The following YTHDF2 variants were observed in gnomAD, a reference collection of about 807,000 sequenced individuals.
The protein encoded by YTHDF2 is YTH domain-containing family protein 2.
A neutral mutation model predicts 50.4 loss-of-function variants in YTHDF2; 2 were observed. The observed-to-expected ratio is 0.04, with a 90% CI of 0.02 to 0.12. The LOEUF (loss-of-function observed/expected upper bound fraction) is 0.12, where lower values mean the gene tolerates loss of function less well. Among genes scored for constraint, YTHDF2 ranks in the 10% least tolerant of loss-of-function variants. YTHDF2 has a pLI of 1.00. For synonymous variants in YTHDF2, 217 were observed against 255.6 expected, an observed-to-expected ratio of 0.85 and a Z score of 1.44; for missense variants, 483 against 722.6, an observed-to-expected ratio of 0.67 and a Z score of 3.80.
At chr1:28,748,052 C>T (rs143019400) in intron 4 of YTHDF2, among the ~76,000 whole-genome samples, 17 of 151,234 alleles carry the variant, frequency 1.1e-4, no homozygotes, top group East Asian at 2.0e-4. Context: ...GGCGTGAACC[C>T]AGGGGGCGGA....
At chr1:28,751,110 A>AAAAAAAAAG (rs1553144757) in intron 4 of YTHDF2, among the ~76,000 whole-genome samples, 2 of 144,410 alleles carry the variant, frequency 1.4e-5, no homozygotes, top group African/African-American at 5.2e-5. Flanking sequence ...AAAAAAAAAA[A>AAAAAAAAAG]GGCTGGGCGT....
rs541008743 is a variant in YTHDF2, at chr1:28,744,294, A to G, written c.1716+308A>G. ...TGAGTCAAAGAGATGCAGAGGGGTAATGGAAGTGATAAAACCATAGAAATT... is the reference window on the plus strand; with the variant it reads ...TGAGTCAAAGAGATGCAGAGGGGTAGTGGAAGTGATAAAACCATAGAAATT... On this transcript the variant is annotated intron_variant, in intron 4 of 4. Coordinates refer to ENST00000373812, the MANE Select transcript of YTHDF2 (RefSeq NM_016258.3). Among the ~76,000 whole-genome samples the G allele has an allele frequency of 2.0e-4, 30 of 152,340 alleles. No homozygotes were observed. The South Asian group carries it at 6.2e-3, about 32-fold the overall frequency.
At chr1:28,761,658 A>G (rs1427527091) in intron 4 of YTHDF2, among the ~76,000 whole-genome samples, 3 of 151,766 alleles carry the variant, frequency 2.0e-5, no homozygotes, top group Admixed American at 6.6e-5. Flanking sequence ...AATCGCTTGA[A>G]CCCGGGAAGT....
At chr1:28,768,518 A>G (rs2088254582) in intron 4 of YTHDF2, among the ~76,000 whole-genome samples, 1 of 152,110 alleles carries the variant, frequency 6.6e-6, no homozygotes, top group Admixed American at 6.6e-5. Context: ...GAGTATGTCC[A>G]AGGCCTTGGG....
At chr1:28,738,148 C>G in intron 2 of YTHDF2, 111 bp from the exon 3 acceptor site, 1 of 810,430 alleles carries the variant, frequency 1.2e-6, no homozygotes, top group East Asian at 2.6e-5. Context: ...GAAGTTCAAT[C>G]TTACGTGCTT....
chr1:28,742,977 C>G lies in YTHDF2; in HGVS notation c.707C>G (p.Pro236Arg), dbSNP rs745709965. The G allele has an allele frequency of 1.1e-5, 18 of 1,614,050 alleles. No homozygotes were observed. The South Asian group carries it at 1.9e-4, about 17-fold the overall frequency. The change falls in exon 4 of 5, where the codon CCA becomes CGA. Residue 236 changes from proline to arginine, a missense_variant. Coordinates refer to ENST00000373812, the MANE Select transcript of YTHDF2 (RefSeq NM_016258.3). The stretch of plus-strand genomic sequence containing the variant: ...CCAGCCACCATTGCTCCTCCAAAAC[C>G]AGCATCTTGGGCTGATATTGCTAGC... ...LPPATIAPPK[P>R]ASWADIASKP... is the part of the protein sequence containing the mutation.
chr1:28,746,738 C>T (rs997995754), intron 4 of YTHDF2, among the ~76,000 whole-genome samples: 4 of 151,664 alleles, frequency 2.6e-5, no homozygotes, highest in Non-Finnish European at 4.4e-5. Flanking sequence ...CCAGCCTGGG[C>T]GATAGAGAGA....
chr1:28,747,239 C>G (rs2087877991), intron 4 of YTHDF2, among the ~76,000 whole-genome samples: 1 of 152,030 alleles, frequency 6.6e-6, no homozygotes, highest in Non-Finnish European at 1.5e-5. Context: ...CAATAGTAAA[C>G]AGAATTTAGC....
intron 4 of YTHDF2, among the ~76,000 whole-genome samples, 168 bp from the exon 5 acceptor site, chr1:28,768,738 TAAGGTGTTTAAGTGTTTAAAACA>T (rs1406815702): frequency 2.0e-5 from 3 of 152,206 alleles, no homozygotes; most frequent in Non-Finnish European, 4.4e-5. Flanking sequence ...AATTTTGCAT[TAAGGTGTTTAAGTGTTTAAAACA>T]AAGTAAAAGC....
intron 4 of YTHDF2, among the ~76,000 whole-genome samples, chr1:28,749,986 G>GTTTTTTTT (rs371730633): frequency 3.3e-4 from 26 of 78,316 alleles, no homozygotes; most frequent in Non-Finnish European, 4.0e-4. Context: ...AAAAAAGGTT[G>GTTTTTTTT]TTTTTTTTTT....
chr1:28,765,431 A>G (rs2124210938), intron 4 of YTHDF2, among the ~76,000 whole-genome samples: 1 of 87,014 alleles, frequency 1.1e-5, no homozygotes. Flanking sequence ...TTTTTAAAAA[A>G]AGTTTTGAGA....
intron 4 of YTHDF2, 28 bp from the exon 5 acceptor site, chr1:28,768,901 C>G: frequency 1.9e-6 from 3 of 1,564,832 alleles, no homozygotes; most frequent in Non-Finnish European, 1.7e-6. Context: ...AATTTTTAAC[C>G]ATTTCAATTT....
intron 4 of YTHDF2, among the ~76,000 whole-genome samples, chr1:28,752,521 CCT>C (rs2087971684): frequency 6.6e-6 from 1 of 152,116 alleles, no homozygotes. Flanking sequence ...GTCTCGAACC[CCT>C]GACCTTGTGA....
intron 4 of YTHDF2, among the ~76,000 whole-genome samples, chr1:28,749,497 A>G (rs2087916359): frequency 6.6e-6 from 1 of 151,902 alleles, no homozygotes; most frequent in South Asian, 2.1e-4. Flanking sequence ...TTCTCTTTTG[A>G]CTCAACTTTG....
At position 28,742,744 on chromosome 1, in the gene YTHDF2, C is replaced by T. The variant is rs374197182; in HGVS notation, c.474C>T (p.Ser158=). Residue 158 remains serine (S), a synonymous_variant, in exon 4 of 5, where the codon AGC becomes AGT. Coordinates refer to ENST00000373812, the MANE Select transcript of YTHDF2 (RefSeq NM_016258.3). ...GYSSNYAYAP[S]SLGGAMIDGQ... ...GTAGCAATTATGCTTATGCACCTAG[C>T]TCCTTAGGTGGAGCCATGATTGATG... 22 of 1,614,076 alleles carry T rather than the reference C, an allele frequency of 1.4e-5. No homozygotes were observed. The South Asian group carries it at 2.3e-4, about 17-fold the overall frequency.
chr1:28,765,788 A>T (rs1430122957), intron 4 of YTHDF2, among the ~76,000 whole-genome samples: 1 of 152,194 alleles, frequency 6.6e-6, no homozygotes, highest in Non-Finnish European at 1.5e-5. Flanking sequence ...ACATTTTGCC[A>T]CATTTGCTTT....
At chr1:28,749,150 A>C (rs1207206560) in intron 4 of YTHDF2, among the ~76,000 whole-genome samples, 1 of 150,208 alleles carries the variant, frequency 6.7e-6, no homozygotes, top group Admixed American at 6.6e-5. Context: ...ATCTAGAAGA[A>C]GGCAACAGTT....
chr1:28,763,688 C>CTGG (rs1405548852), intron 4 of YTHDF2, among the ~76,000 whole-genome samples: 1 of 151,466 alleles, frequency 6.6e-6, no homozygotes, highest in Non-Finnish European at 1.5e-5. Context: ...ATCTCCTGAC[C>CTGG]TGGTGATCCG....
intron 4 of YTHDF2, among the ~76,000 whole-genome samples, chr1:28,767,540 G>A (rs1439441941): frequency 1.3e-5 from 2 of 151,360 alleles, no homozygotes; most frequent in Admixed American, 6.6e-5. Flanking sequence ...ATAGAGTCTC[G>A]CTTTGTCGCC....
Sources: allele counts gnomAD v4.1 joint callset (sites outside exome capture counted in the v4.1 genomes callset), GRCh38; gene constraint gnomAD v4.1.1; transcripts MANE v1.5; gene names NCBI Gene and HGNC (gene_info 2026-07-23, HGNC 2026-07-21).